CADM2: variants seen among roughly 807,000 people sequenced by gnomAD.
CADM2 encodes cell adhesion molecule 2.
In CADM2, 12 loss-of-function variants were observed where a neutral mutation model predicts 49.8. The observed-to-expected ratio is 0.24, with a 90% CI of 0.15 to 0.39. The LOEUF is 0.39. Among genes scored for constraint, CADM2 ranks in the 10% least tolerant of loss-of-function variants. CADM2 has a pLI of 1.00. For synonymous variants in CADM2, 214 were observed against 175.4 expected (o/e 1.22, Z -1.74); for missense variants, 378 against 492.3 (o/e 0.77, Z 2.20).
chr3:85,969,665 T>C (rs1166798387), intron 8 of CADM2, among the ~76,000 whole-genome samples: 3 of 151,322 alleles, frequency 2.0e-5, no homozygotes, highest in African/African-American at 7.3e-5. Flanking sequence ...TATGCATCTG[T>C]ATATGTGAAT....
At chr3:85,966,824 C>CT (rs776978511) in intron 8 of CADM2, among the ~76,000 whole-genome samples, 10 of 151,544 alleles carry the variant, frequency 6.6e-5, no homozygotes, top group Admixed American at 4.0e-4. Context: ...TATGATACTG[C>CT]TTTTTATGTT....
chr3:85,922,680 TG>T (rs1263848513), intron 6 of CADM2, among the ~76,000 whole-genome samples: 1 of 152,190 alleles, frequency 6.6e-6, no homozygotes, highest in Non-Finnish European at 1.5e-5. Flanking sequence ...TCACTAGCAT[TG>T]TTAGAATGCA....
chr3:85,255,914 T>G lies in CADM2; in HGVS notation c.61+296246T>G, dbSNP rs556281577. Among the ~76,000 whole-genome samples, 274 of 152,276 alleles carry G rather than the reference T, an allele frequency of 1.8e-3. 1 individual carries two copies. The highest frequency in any genetic ancestry group is 6.3e-3 in the African/African-American group (263 of 41,572). The stretch of plus-strand genomic sequence containing the variant: ...TCTACATTTCCAGAAAAATCTGCTT[T>G]CGATGTAATAGATATTTTGAAAATA... On this transcript the variant is annotated intron_variant, in intron 1 of 9. Coordinates refer to ENST00000383699, the MANE Select transcript of CADM2 (RefSeq NM_001167675.2).
intron 1 of CADM2, among the ~76,000 whole-genome samples, chr3:85,517,115 T>A (rs1285705805): frequency 2.0e-5 from 3 of 151,912 alleles, no homozygotes; most frequent in Non-Finnish European, 4.4e-5. Context: ...AGAATCACAA[T>A]CATGGATCTA....
intron 1 of CADM2, among the ~76,000 whole-genome samples, chr3:85,309,603 G>A (rs1006530350): frequency 1.3e-5 from 2 of 152,050 alleles, no homozygotes; most frequent in African/African-American, 4.8e-5. Context: ...TGCCTTTATT[G>A]TTATTATAAG....
At chr3:86,008,061 A>G (rs1324077882) in intron 8 of CADM2, among the ~76,000 whole-genome samples, 1 of 152,238 alleles carries the variant, frequency 6.6e-6, no homozygotes, top group Non-Finnish European at 1.5e-5. Flanking sequence ...TGATGTCATG[A>G]AATTCCAGCT....
In CADM2 at chr3:85,833,675, G is replaced by A. The variant is rs147041042; in HGVS notation, c.238+31479G>A. On this transcript the variant is annotated intron_variant, in intron 3 of 9. Coordinates refer to ENST00000383699, the MANE Select transcript of CADM2 (RefSeq NM_001167675.2). ...GTGTATTCTTGGTGCCCTTGTCAAC[G>A]ACTAGTTGATGATGTCTGCATAGAT... is the stretch of plus-strand genomic sequence containing the variant. 2.4e-3 allele frequency among the ~76,000 whole-genome samples: 368 copies of A among 151,604 alleles called. 1 individual carries two copies. Among genetic ancestry groups the A allele is most frequent in the Non-Finnish European group, 4.6e-3 (311 of 67,730 alleles).
intron 1 of CADM2, among the ~76,000 whole-genome samples, chr3:85,141,562 ATATATC>A (rs2039577863): frequency 6.6e-6 from 1 of 152,208 alleles, no homozygotes; most frequent in Admixed American, 6.5e-5. Flanking sequence ...AAACCCTATT[ATATATC>A]ATGTGTCAAA....
intron 1 of CADM2, among the ~76,000 whole-genome samples, chr3:85,700,373 A>G (rs1188875351): frequency 2.0e-5 from 3 of 152,152 alleles, no homozygotes; most frequent in African/African-American, 7.2e-5. Context: ...ATTAGGAGAA[A>G]TACCTAATGT....
chr3:85,092,250 C>G (rs1336369760), intron 1 of CADM2, among the ~76,000 whole-genome samples: 3 of 152,128 alleles, frequency 2.0e-5, no homozygotes, highest in Non-Finnish European at 4.4e-5. Context: ...TTATATGAAA[C>G]TGATGAATGA....
At chr3:86,040,664 T>C (rs1243928287) in intron 8 of CADM2, among the ~76,000 whole-genome samples, 1 of 152,144 alleles carries the variant, frequency 6.6e-6, no homozygotes, top group East Asian at 1.9e-4. Context: ...CTCTGCAGGA[T>C]ATTATCCAGG....
intron 1 of CADM2, among the ~76,000 whole-genome samples, chr3:85,643,413 C>T (rs2107559007): frequency 6.6e-6 from 1 of 152,252 alleles, no homozygotes; most frequent in Admixed American, 6.5e-5. Flanking sequence ...TTTTGTTTTA[C>T]ACTGAAGTCT....
rs55882841 is a variant in CADM2, at chr3:85,442,588, G to GTATA, written c.62-283892_62-283889dup. Among the ~76,000 whole-genome samples the GTATA allele has an allele frequency of 8.9e-3, 1,076 of 120,436 alleles. 23 individuals carry two copies. Among genetic ancestry groups the GTATA allele is most frequent in the African/African-American group, 0.021 (453 of 22,066 alleles). 79.0% of individuals were successfully genotyped at this position (120,436 alleles called of 152,430 possible). ...TATTTAAAATAATGCTTATATATGAGTATATATATATATATATATATATAT... is the reference window on the plus strand; with the variant it reads ...TATTTAAAATAATGCTTATATATGAGTATATATATATATATATATATATATATAT... On this transcript the variant is annotated intron_variant, in intron 1 of 9. Transcript: ENST00000383699.
intron 1 of CADM2, among the ~76,000 whole-genome samples, chr3:85,016,820 AAAAG>A (rs1181859091): frequency 6.6e-6 from 1 of 152,066 alleles, no homozygotes; most frequent in African/African-American, 2.4e-5. Context: ...AAAAGAAAAG[AAAAG>A]AAAGAAAGAA....
intron 1 of CADM2, among the ~76,000 whole-genome samples, chr3:84,978,363 T>A (rs898908564): frequency 2.0e-5 from 3 of 152,162 alleles, no homozygotes; most frequent in African/African-American, 7.2e-5. Context: ...GTGTTATTTT[T>A]AAAGTAATAT....
In CADM2 at chr3:85,089,092, A is replaced by G. The variant is rs185524706; in HGVS notation, c.61+129424A>G. Among the ~76,000 whole-genome samples, 459 of 152,258 alleles carry G rather than the reference A, an allele frequency of 3.0e-3. 3 individuals carry two copies. The highest frequency in any genetic ancestry group is 0.011 in the African/African-American group (440 of 41,572). On this transcript the variant is annotated intron_variant, in intron 1 of 9. Coordinates refer to ENST00000383699, the MANE Select transcript of CADM2 (RefSeq NM_001167675.2). ...GCTGAATAACTTTTCCTATAATTAT[A>G]TTAAATAACTATTAATTGAAAATTT...
intron 1 of CADM2, among the ~76,000 whole-genome samples, chr3:85,132,115 A>C (rs1033940741): frequency 3.3e-5 from 5 of 152,192 alleles, no homozygotes; most frequent in Admixed American, 3.3e-4. Context: ...ATTTTTAAAA[A>C]TCCTTATTTT....
rs1484843670 is a variant in CADM2 at position 85,487,487 on chromosome 3, GAGGAGGAAGAGGAGT to G, written c.62-239025_62-239011del. Among the ~76,000 whole-genome samples, 9 of 152,102 alleles carry G rather than the reference GAGGAGGAAGAGGAGT, an allele frequency of 5.9e-5. No individual in the cohort carries two copies. The East Asian group carries it at 1.5e-3, about 26-fold the overall frequency. On this transcript the variant is annotated intron_variant, in intron 1 of 9. Transcript: ENST00000383699. ...CATCTGAAGAAGAAGAAAGGAAAAG[GAGGAGGAAGAGGAGT>G]AGGAGGAAGTGGAGGAGGAGAAGGA...
At chr3:85,465,455 G>A (rs1043826885) in intron 1 of CADM2, among the ~76,000 whole-genome samples, 3 of 151,938 alleles carry the variant, frequency 2.0e-5, no homozygotes, top group African/African-American at 7.3e-5. Context: ...TTATGTATAA[G>A]TATACAACAT....
Sources: gnomAD v4.1 joint callset for allele counts (sites outside exome capture counted in the v4.1 genomes callset) on GRCh38, gnomAD v4.1.1 for gene constraint, MANE v1.5 for transcripts, NCBI Gene and HGNC (gene_info 2026-07-23, HGNC 2026-07-21) for gene names.